EXD3: variants seen among roughly 807,000 people sequenced by gnomAD.
EXD3 encodes exonuclease 3'-5' domain containing 3, also known as exonuclease mut-7 homolog.
EXD3 carries 92 observed loss-of-function variants against 98.0 expected under a neutral mutation model. That is an observed-to-expected ratio of 0.94 (90% confidence interval 0.79 to 1.12). The LOEUF (loss-of-function observed/expected upper bound fraction) is 1.12, where lower values mean the gene tolerates loss of function less well. Among genes scored for constraint, EXD3 ranks in the 50% most tolerant of loss-of-function variants. The pLI is 0.00. For missense variants in EXD3, 1,222 were observed against 1,191.6 expected, an observed-to-expected ratio of 1.03 and a Z score of -0.38; for synonymous variants, 569 against 526.0, an observed-to-expected ratio of 1.08 and a Z score of -1.12.
rs982284586 is a variant in EXD3, at chr9:137,405,162, A to G, written c.-47-9758T>C. On this transcript the variant is annotated intron_variant, in intron 1 of 21. Coordinates refer to ENST00000340951, the MANE Select transcript of EXD3 (RefSeq NM_017820.5). The surrounding 1 kb of genome is among the most constrained non-coding windows in gnomAD (Gnocchi z 4.1). ...CTGCCAGCGGGTGTCCAAAGACCCT[A>G]CTTGGGAGCCCCGCACATCCGCACA... Among the ~76,000 whole-genome samples the G allele has an allele frequency of 2.0e-5, 3 of 152,180 alleles. No individual in the cohort carries two copies. The highest frequency in any genetic ancestry group is 7.2e-5 in the African/African-American group (3 of 41,444).
chr9:137,406,519 C>T (rs1189101741), intron 1 of EXD3, among the ~76,000 whole-genome samples: 1 of 152,140 alleles, frequency 6.6e-6, no homozygotes, highest in African/African-American at 2.4e-5. Context: ...GACGGCTGCT[C>T]TTGGCCAACA....
At chr9:137,373,732 G>C (rs933484721) in intron 3 of EXD3, 133 bp from the exon 4 acceptor site, 4 of 984,534 alleles carry the variant, frequency 4.1e-6, no homozygotes, top group Non-Finnish European at 4.4e-6. Context: ...GCCGCCATCT[G>C]CGCCTCCGTG....
chr9:137,387,530 G>A (rs551586303), intron 2 of EXD3, among the ~76,000 whole-genome samples: 3 of 152,208 alleles, frequency 2.0e-5, no homozygotes, highest in Admixed American at 6.5e-5. Flanking sequence ...GTCCAGGGGC[G>A]GCTTCTGTCT....
At chr9:137,321,964 A>C (rs1832054676) in intron 19 of EXD3, among the ~76,000 whole-genome samples, 1 of 152,076 alleles carries the variant, frequency 6.6e-6, no homozygotes, top group Non-Finnish European at 1.5e-5. Flanking sequence ...GCAAGCTTGG[A>C]CAGTGCAGCC....
At chr9:137,351,573 C>T (rs1230733877) in intron 12 of EXD3, 45 bp from the exon 13 acceptor site, 1 of 1,535,820 alleles carries the variant, frequency 6.5e-7, no homozygotes, top group Non-Finnish European at 8.8e-7. Flanking sequence ...GCCAACTTGG[C>T]TCTGCAGGGA....
chr9:137,330,513 C>T (rs1028196449), intron 17 of EXD3, among the ~76,000 whole-genome samples: 22 of 143,574 alleles, frequency 1.5e-4, no homozygotes, highest in African/African-American at 3.4e-4. Context: ...CACAGGACTA[C>T]GCAGGACCAC....
At chr9:137,328,781 A>AG (rs1479401005) in intron 17 of EXD3, among the ~76,000 whole-genome samples, 2 of 20,168 alleles carry the variant, frequency 9.9e-5, no homozygotes, top group African/African-American at 4.3e-4. Context: ...GCTACACGGG[A>AG]CTACACGGGA....
intron 17 of EXD3, among the ~76,000 whole-genome samples, chr9:137,340,386 A>G (rs1276477996): frequency 6.6e-6 from 1 of 152,146 alleles, no homozygotes; most frequent in Non-Finnish European, 1.5e-5. Context: ...CTGAGGCAGA[A>G]GAATCACTTG....
intron 3 of EXD3, among the ~76,000 whole-genome samples, chr9:137,379,496 T>G (rs1178977168): frequency 7.9e-5 from 5 of 62,900 alleles, no homozygotes; most frequent in Admixed American, 1.9e-4. Flanking sequence ...CGGGTGACGG[T>G]GACCGTTGCC....
intron 19 of EXD3, among the ~76,000 whole-genome samples, chr9:137,312,160 G>C (rs1414828740): frequency 6.6e-6 from 1 of 152,170 alleles, no homozygotes; most frequent in Non-Finnish European, 1.5e-5. Context: ...GGGCCTGACG[G>C]GGACCCTGAG....
Position 137,407,430 on chromosome 9 carries a change from G to T in EXD3, c.-47-12026C>A, listed in dbSNP as rs1837776515. On this transcript the variant is annotated intron_variant, in intron 1 of 21. Transcript: ENST00000340951. This position sits in a 1 kb window ranked among gnomAD's most constrained non-coding sequence, Gnocchi z 4.4. ...AGGGGCCATCTGCCCCCGGCTCACC[G>T]CAGGCCCTTTCCTGGGGGCCTCTGT... Among the ~76,000 whole-genome samples the T allele has an allele frequency of 6.6e-6, 1 of 152,204 alleles. No homozygotes were observed. The highest frequency in any genetic ancestry group is 6.5e-5 in the Admixed American group (1 of 15,282).
At position 137,324,202 on chromosome 9, in the gene EXD3, C is replaced by T. The variant is rs912335243; in HGVS notation, c.1999-59G>A. ...GCAGCTCCGTGCTCCTGGACTGGGC[C>T]ACCTCTGCTCGCCACCCCCTAGCTC... On this transcript the variant is annotated intron_variant, in intron 17 of 21. Coordinates refer to ENST00000340951, the MANE Select transcript of EXD3 (RefSeq NM_017820.5). This position sits in a 1 kb window ranked among gnomAD's most constrained non-coding sequence, Gnocchi z 4.1. 6.9e-7 allele frequency: 1 copy of T among 1,441,990 alleles called. No individual in the cohort carries two copies. The highest frequency in any genetic ancestry group is 1.4e-5 in the African/African-American group (1 of 71,060). 89.3% of individuals were successfully genotyped at this position (1,441,990 alleles called of 1,614,324 possible).
intron 1 of EXD3, among the ~76,000 whole-genome samples, chr9:137,406,234 G>C (rs1359359210): frequency 2.0e-5 from 2 of 99,528 alleles, no homozygotes; most frequent in Non-Finnish European, 4.4e-5. Context: ...AAAAAGAAAA[G>C]AAAGAAAAGA....
At chr9:137,357,786 C>A (rs113536945) in intron 7 of EXD3, among the ~76,000 whole-genome samples, 1 of 151,370 alleles carries the variant, frequency 6.6e-6, no homozygotes, top group East Asian at 1.9e-4. Context: ...TTAACTCACA[C>A]GATCACAGGG....
At chr9:137,413,062 G>A (rs1357820936) in intron 1 of EXD3, among the ~76,000 whole-genome samples, 3 of 152,178 alleles carry the variant, frequency 2.0e-5, no homozygotes, top group Non-Finnish European at 4.4e-5. Flanking sequence ...GATTACAGGC[G>A]TGAGCCACCA....
rs562548211 is a variant in EXD3 at position 137,396,384 on chromosome 9, T to A, written c.-47-980A>T. Among the ~76,000 whole-genome samples, 725 of 152,300 alleles carry A rather than the reference T, an allele frequency of 4.8e-3. 8 individuals are homozygous for A. The highest frequency in any genetic ancestry group is 5.6e-3 in the Non-Finnish European group (379 of 68,030). On this transcript the variant is annotated intron_variant, in intron 1 of 21. Transcript: ENST00000340951. ...CTTTCTCTGAGTGCATAGCTTTAGT[T>A]TGAATCACACACAGCAGTTACACAA...
chr9:137,375,141 T>C (rs995729750), intron 3 of EXD3, among the ~76,000 whole-genome samples: 6 of 152,180 alleles, frequency 3.9e-5, no homozygotes, highest in Non-Finnish European at 7.3e-5. Flanking sequence ...CCCGTGTAGC[T>C]GGGACTATAG....
chr9:137,388,800 G>T (rs938676975), intron 2 of EXD3, among the ~76,000 whole-genome samples: 1 of 152,180 alleles, frequency 6.6e-6, no homozygotes, highest in African/African-American at 2.4e-5. Flanking sequence ...CCTGCCAGCA[G>T]CATCAGACCC....
At chr9:137,307,503 G>GC (rs1159135216) in intron 21 of EXD3, 105 bp downstream of exon 21, 1 of 1,441,924 alleles carries the variant, frequency 6.9e-7, no homozygotes, top group Non-Finnish European at 9.3e-7. Flanking sequence ...GCCCCACAGA[G>GC]CCCCCTCTGC....
Sources: allele counts gnomAD v4.1 joint callset (sites outside exome capture counted in the v4.1 genomes callset), GRCh38; gene constraint gnomAD v4.1.1; non-coding constraint Gnocchi (gnomAD v3.1); transcripts MANE v1.5; gene names NCBI Gene and HGNC (gene_info 2026-07-23, HGNC 2026-07-21).